CNTN3: variants seen among roughly 807,000 people sequenced by gnomAD.
CNTN3 encodes contactin 3, also known as contactin-3.
In CNTN3, 60 loss-of-function variants were observed where a neutral mutation model predicts 119.1. That is an observed-to-expected ratio of 0.50 (90% CI 0.41 to 0.62). The LOEUF is 0.62. CNTN3 is among the 20% of genes least tolerant of loss of function. The pLI, the probability that CNTN3 is intolerant of heterozygous loss-of-function variation, is 0.00. For synonymous variants in CNTN3, 450 were observed against 438.7 expected (o/e 1.03, Z -0.32); for missense variants, 1,101 against 1,242.4 (o/e 0.89, Z 1.71).
chr3:74,414,061 A>G (rs1030132673), intron 5 of CNTN3, among the ~76,000 whole-genome samples: 4 of 152,378 alleles, frequency 2.6e-5, no homozygotes, highest in African/African-American at 9.6e-5. Context: ...CTCTGTGAGC[A>G]TCAGTGCAGT....
chr3:74,357,752 CCGA>C, intron 11 of CNTN3, among the ~76,000 whole-genome samples: 2 of 152,076 alleles, frequency 1.3e-5, no homozygotes, highest in Non-Finnish European at 2.9e-5. Context: ...TTCTTATTCG[CCGA>C]CAAGTCCAAA....
At chr3:74,485,646 G>C (rs532480153) in intron 4 of CNTN3, among the ~76,000 whole-genome samples, 1 of 151,936 alleles carries the variant, frequency 6.6e-6, no homozygotes, top group South Asian at 2.1e-4. Flanking sequence ...AATTATTGAG[G>C]TGTGAATAAC....
At chr3:74,512,423 A>G (rs1263651405) in intron 2 of CNTN3, among the ~76,000 whole-genome samples, 1 of 152,090 alleles carries the variant, frequency 6.6e-6, no homozygotes, top group Non-Finnish European at 1.5e-5. Context: ...GAGGGGGAAA[A>G]GGGGGAATCA....
chr3:74,312,340 C>T (rs1387078918), intron 13 of CNTN3, among the ~76,000 whole-genome samples: 1 of 150,934 alleles, frequency 6.6e-6, no homozygotes, highest in Non-Finnish European at 1.5e-5. Context: ...CCTGTAGTCC[C>T]AGCTACTCGG....
rs374185251 is a variant in CNTN3, at chr3:74,369,852, T to C, written c.761+37A>G. The C allele has an allele frequency of 2.8e-5, 30 of 1,080,794 alleles. No homozygotes were observed. The African/African-American group carries it at 4.2e-4, about 15-fold the overall frequency. The allele number at this position is 1,080,794 out of a possible 1,614,324, so 67.0% of individuals were successfully genotyped here. ...ATCCTGATTTCTTATAGCAACCTAA[T>C]ATTTCAGCACATAGGAGTAAATGTT... is the stretch of plus-strand genomic sequence containing the variant. On this transcript the variant is annotated intron_variant, in intron 7 of 22. Transcript: ENST00000263665.
In CNTN3 at chr3:74,517,167, C is replaced by T. The variant is rs1287451624; in HGVS notation, c.55+3891G>A. On this transcript the variant is annotated intron_variant, in intron 2 of 22. Transcript: ENST00000263665. ...GAGGGACCTGTAACCTCCCTCTCCTCTTGCTTCAAGATACCCACCTTTTTA... is the reference window on the plus strand; with the variant it reads ...GAGGGACCTGTAACCTCCCTCTCCTTTTGCTTCAAGATACCCACCTTTTTA... Among the ~76,000 whole-genome samples, 5 of 152,042 alleles carry T rather than the reference C, an allele frequency of 3.3e-5. No homozygotes were observed. The East Asian group carries it at 9.7e-4, about 30-fold the overall frequency.
chr3:74,303,832 T>C (rs192627471), intron 13 of CNTN3, among the ~76,000 whole-genome samples: 2 of 152,304 alleles, frequency 1.3e-5, no homozygotes, highest in African/African-American at 4.8e-5. Context: ...GCATGTAAAA[T>C]TGTGTTAATA....
chr3:74,608,461 C>T (rs1297091012), intron 1 of CNTN3, among the ~76,000 whole-genome samples: 2 of 152,136 alleles, frequency 1.3e-5, no homozygotes, highest in African/African-American at 4.8e-5. Flanking sequence ...TGAGAACTTC[C>T]CATTACTTCC....
At chr3:74,579,491 G>A (rs377066551) in intron 1 of CNTN3, among the ~76,000 whole-genome samples, 2 of 151,826 alleles carry the variant, frequency 1.3e-5, no homozygotes, top group African/African-American at 2.4e-5. Flanking sequence ...AATGCATGTA[G>A]AACATTCACC....
intron 1 of CNTN3, among the ~76,000 whole-genome samples, 173 bp from the exon 2 acceptor site, chr3:74,521,365 A>T (rs1214548722): frequency 1.3e-5 from 2 of 151,448 alleles, no homozygotes; most frequent in Admixed American, 1.3e-4. Context: ...GTAGATACTT[A>T]AAAAACATGT....
chr3:74,326,510 C>T (rs1258330162), intron 13 of CNTN3, among the ~76,000 whole-genome samples: 1 of 152,028 alleles, frequency 6.6e-6, no homozygotes, highest in African/African-American at 2.4e-5. Context: ...AAACATACAA[C>T]AAATTATTAT....
rs574515549 is a variant in CNTN3 at position 74,593,583 on chromosome 3, G to T, written c.-81+20808C>A. 2.0e-4 allele frequency among the ~76,000 whole-genome samples: 30 copies of T among 152,024 alleles called. 1 individual carries two copies. In the South Asian group the frequency reaches 6.2e-3, roughly 32 times the overall value. On this transcript the variant is annotated intron_variant, in intron 1 of 22. Coordinates refer to ENST00000263665, the MANE Select transcript of CNTN3 (RefSeq NM_020872.3). ...GAGTAGAATAATTACAACTATCAAT[G>T]ATCGAGTACCTCTGTGCCAGAAACT... is the stretch of plus-strand genomic sequence containing the variant.
At chr3:74,571,436 T>C (rs921646608) in intron 1 of CNTN3, among the ~76,000 whole-genome samples, 2 of 152,126 alleles carry the variant, frequency 1.3e-5, no homozygotes, top group East Asian at 1.9e-4. Flanking sequence ...GACCTAAGAA[T>C]TGGATCCCAT....
At chr3:74,546,508 C>A (rs887707374) in intron 1 of CNTN3, among the ~76,000 whole-genome samples, 1 of 152,114 alleles carries the variant, frequency 6.6e-6, no homozygotes, top group Admixed American at 6.6e-5. Context: ...AGAATAAAAG[C>A]GGGCAGAAGA....
intron 20 of CNTN3, among the ~76,000 whole-genome samples, chr3:74,274,202 T>C (rs140181584): frequency 2.0e-5 from 3 of 152,196 alleles, no homozygotes; most frequent in East Asian, 1.9e-4. Context: ...CCCCACCTCA[T>C]GGTCCTTCCC....
chr3:74,443,226 C>G (rs912502072), intron 4 of CNTN3, among the ~76,000 whole-genome samples: 4 of 152,162 alleles, frequency 2.6e-5, no homozygotes, highest in Admixed American at 6.5e-5. Flanking sequence ...CAGAGCTTGA[C>G]AGTGGGAAGC....
chr3:74,297,245 G>T (rs983435675), intron 18 of CNTN3, among the ~76,000 whole-genome samples: 3 of 152,182 alleles, frequency 2.0e-5, no homozygotes, highest in Admixed American at 2.0e-4. Context: ...AGGTAAGGCT[G>T]TGATTTTCCT....
chr3:74,516,830 G>T (rs1455866230), intron 2 of CNTN3, among the ~76,000 whole-genome samples: 1 of 143,840 alleles, frequency 7.0e-6, no homozygotes, highest in East Asian at 1.9e-4. Context: ...CAATATCCAA[G>T]GAAGTTGGAG....
chr3:74,491,476 G>C (rs567704351), intron 3 of CNTN3, among the ~76,000 whole-genome samples: 1 of 152,108 alleles, frequency 6.6e-6, no homozygotes, highest in African/African-American at 2.4e-5. Context: ...CTCCAGTGTT[G>C]GCAACAGAAC....
Sources: allele counts gnomAD v4.1 joint callset (sites outside exome capture counted in the v4.1 genomes callset), GRCh38; gene constraint gnomAD v4.1.1; transcripts MANE v1.5; gene names NCBI Gene and HGNC (gene_info 2026-07-23, HGNC 2026-07-21).